AHCTF1: variants seen among roughly 807,000 people sequenced by gnomAD.
The protein encoded by AHCTF1 is AT-hook containing transcription factor 1.
In AHCTF1, 24 loss-of-function variants were observed where a neutral mutation model predicts 248.4. The observed-to-expected ratio is 0.10, with a 90% CI of 0.07 to 0.14. AHCTF1 has a LOEUF of 0.14. Among genes scored for constraint, AHCTF1 ranks in the 10% least tolerant of loss-of-function variants. The pLI, the probability that AHCTF1 is intolerant of heterozygous loss-of-function variation, is 1.00. For missense variants in AHCTF1, 2,206 were observed against 2,636.2 expected, an observed-to-expected ratio of 0.84 and a Z score of 3.57; for synonymous variants, 786 against 929.8, an observed-to-expected ratio of 0.85 and a Z score of 2.81.
chr1:246,872,300 T>C (rs1662652514), intron 24 of AHCTF1, among the ~76,000 whole-genome samples: 1 of 151,956 alleles, frequency 6.6e-6, no homozygotes, highest in South Asian at 2.1e-4. Flanking sequence ...CCAGCTGGGG[T>C]GGCACGCCAG....
intron 20 of AHCTF1, among the ~76,000 whole-genome samples, chr1:246,886,765 G>C (rs1406844942): frequency 6.6e-6 from 1 of 152,076 alleles, no homozygotes; most frequent in African/African-American, 2.4e-5. Context: ...CTGGATCCTG[G>C]AACCAATTCC....
At position 246,849,665 on chromosome 1, in the gene AHCTF1, T is replaced by C. The variant is rs772542522; in HGVS notation, c.6341A>G (p.Asn2114Ser). Residue 2114 changes from asparagine (N) to serine (S), a missense_variant, in exon 33 of 36, where the codon AAC becomes AGC. This residue lies in a region of AHCTF1 where 469 missense variants were observed against 470.0 expected (regional missense o/e 1.00). Coordinates refer to ENST00000648844, the MANE Select transcript of AHCTF1 (RefSeq NM_001323342.2). ...AILLPDLSEP[N>S]NEPLFSPASE... ...CGCTGGAGAAAATAAAGGCTCATTG[T>C]TTGGTTCAGAAAGGTCCGGCAACAA... The C allele has an allele frequency of 1.9e-6, 3 of 1,613,850 alleles. No homozygotes were observed. Among genetic ancestry groups the C allele is most frequent in the South Asian group, 1.1e-5 (1 of 91,072 alleles).
intron 21 of AHCTF1, among the ~76,000 whole-genome samples, chr1:246,878,090 G>A (rs923857366): frequency 2.0e-5 from 3 of 151,792 alleles, no homozygotes; most frequent in Non-Finnish European, 4.4e-5. Flanking sequence ...AATTGCAAAA[G>A]ATTAAGTATA....
At chr1:246,867,528 C>T in intron 25 of AHCTF1, 133 bp downstream of exon 25, 1 of 1,215,340 alleles carries the variant, frequency 8.2e-7, no homozygotes, top group Non-Finnish European at 1.2e-6. Context: ...AGAAACATAG[C>T]CAACATAAAG....
intron 5 of AHCTF1, 123 bp downstream of exon 5, chr1:246,907,428 C>T: frequency 1.2e-6 from 1 of 814,398 alleles, no homozygotes. Flanking sequence ...CTCAATCATT[C>T]ATTCAATCAT....
rs761741960 is a variant in AHCTF1, at chr1:246,931,356, T to C, written c.-8+222A>G. ...CCGCCGCTCCTCCGGTCCGAGATTATGTAACGAAGCCCGGCGCCCGCGAGC... is the reference window on the plus strand; with the variant it reads ...CCGCCGCTCCTCCGGTCCGAGATTACGTAACGAAGCCCGGCGCCCGCGAGC... On this transcript the variant is annotated intron_variant, in intron 1 of 35. Coordinates refer to ENST00000648844, the MANE Select transcript of AHCTF1 (RefSeq NM_001323342.2). 21 of 1,537,996 alleles carry C rather than the reference T, an allele frequency of 1.4e-5. No homozygotes were observed. In the South Asian group the frequency reaches 1.8e-4, roughly 13 times the overall value.
At chr1:246,913,121 G>A (rs1665924209) in intron 4 of AHCTF1, 111 bp downstream of exon 4, 5 of 836,008 alleles carry the variant, frequency 6.0e-6, no homozygotes, top group South Asian at 2.6e-5. Context: ...TAGATAGGAA[G>A]ATATCTTTTA....
intron 1 of AHCTF1, 198 bp downstream of exon 1, chr1:246,931,380 G>A: frequency 6.6e-7 from 1 of 1,508,656 alleles, no homozygotes; most frequent in Non-Finnish European, 8.8e-7. Flanking sequence ...GCGCCCGCGA[G>A]CCTGCCGTAC....
chr1:246,855,863 A>G, intron 30 of AHCTF1, 36 bp from the exon 31 acceptor site: 1 of 1,521,264 alleles, frequency 6.6e-7, no homozygotes, highest in Non-Finnish European at 9.1e-7. Flanking sequence ...AGTGTGTAAG[A>G]AGATCCCATC....
chr1:246,855,873 C>G (rs1661079888), intron 30 of AHCTF1, 46 bp from the exon 31 acceptor site: 1 of 1,389,258 alleles, frequency 7.2e-7, no homozygotes, highest in African/African-American at 1.4e-5. Context: ...AAGATCCCAT[C>G]TGCTTTAACC....
intron 1 of AHCTF1, chr1:246,931,161 G>C: frequency 6.5e-7 from 1 of 1,550,188 alleles, no homozygotes; most frequent in Non-Finnish European, 8.7e-7. Context: ...TGGAACACAC[G>C]CCAACACAGG....
intron 29 of AHCTF1, 57 bp downstream of exon 29, chr1:246,860,842 T>C: frequency 6.4e-7 from 1 of 1,557,412 alleles, no homozygotes; most frequent in East Asian, 2.3e-5. Context: ...AATTCTATTA[T>C]AAACTTTATT....
intron 32 of AHCTF1, among the ~76,000 whole-genome samples, chr1:246,852,424 T>TA (rs1660778930): frequency 6.6e-6 from 1 of 152,072 alleles, no homozygotes; most frequent in African/African-American, 2.4e-5. Context: ...GTTGGTTTTT[T>TA]ATCTTAAAAT....
chr1:246,847,346 A>T (rs1660352476), intron 33 of AHCTF1, among the ~76,000 whole-genome samples: 2 of 151,988 alleles, frequency 1.3e-5, no homozygotes, highest in Non-Finnish European at 2.9e-5. Context: ...AAGTAGGGGG[A>T]CAAAAGCAGA....
intron 33 of AHCTF1, among the ~76,000 whole-genome samples, chr1:246,845,454 G>A (rs1660189253): frequency 6.6e-6 from 1 of 152,168 alleles, no homozygotes. Flanking sequence ...GCAATGGCTA[G>A]GTCTACTGGT....
chr1:246,853,579 C>G (rs1435623936), intron 31 of AHCTF1, among the ~76,000 whole-genome samples: 1 of 152,130 alleles, frequency 6.6e-6, no homozygotes, highest in Non-Finnish European at 1.5e-5. Context: ...GTGCTTGTTC[C>G]TTATTAATCT....
In AHCTF1 at chr1:246,887,293, G is replaced by C. The variant is rs1166292504; in HGVS notation, c.2390C>G (p.Ser797Cys). 6 of 1,613,378 alleles carry C rather than the reference G, an allele frequency of 3.7e-6. No individual in the cohort carries two copies. In the South Asian group the frequency reaches 6.6e-5, roughly 18 times the overall value. Reference sequence around the variant, plus strand: ...AGAAATGGCAAATACAGTTGGGAAAGATTCAATGGGAGTGTCTGTTTTGTT... The same window carrying C: ...AGAAATGGCAAATACAGTTGGGAAACATTCAATGGGAGTGTCTGTTTTGTT... ...FPNKTDTPIE[S>C]FPTVFAISWG... The change falls in exon 20 of 36, where the codon TCT becomes TGT. Residue 797 changes from serine to cysteine, a missense_variant. Around this residue, in one of 6 missense-constraint regions of AHCTF1, gnomAD observed 650 missense variants for 870.8 expected, o/e 0.75. Transcript: ENST00000648844.
At chr1:246,878,396 C>CAAAAAAAAA (rs1199465751) in intron 21 of AHCTF1, among the ~76,000 whole-genome samples, 18 of 30,782 alleles carry the variant, frequency 5.8e-4, no homozygotes, top group Admixed American at 1.0e-3. Context: ...GATTCTGTCT[C>CAAAAAAAAA]AAAAAAAAAA....
chr1:246,918,120 AT>A, intron 2 of AHCTF1, 129 bp downstream of exon 2: 2 of 730,322 alleles, frequency 2.7e-6, no homozygotes, highest in Non-Finnish European at 3.9e-6. Flanking sequence ...GTAACTGTAG[AT>A]GTTACATATT....
Sources: allele counts gnomAD v4.1 joint callset (sites outside exome capture counted in the v4.1 genomes callset), GRCh38; gene constraint gnomAD v4.1.1; regional missense constraint gnomAD v4.1.1; transcripts MANE v1.5; gene names NCBI Gene and HGNC (gene_info 2026-07-23, HGNC 2026-07-21).